GOLGA2: variants seen among roughly 807,000 people sequenced by gnomAD.
GOLGA2 encodes the protein golgin A2.
A neutral mutation model predicts 148.8 loss-of-function variants in GOLGA2; 49 were observed. The ratio of observed to expected loss-of-function variants is 0.33; its 90% CI spans 0.26 to 0.42. The LOEUF (loss-of-function observed/expected upper bound fraction) is 0.42. GOLGA2 is among the 10% of genes least tolerant of loss of function. GOLGA2 has a pLI of 1.00. For synonymous variants in GOLGA2, 501 were observed against 511.8 expected (o/e 0.98, Z 0.28); for missense variants, 1,178 against 1,304.6 (o/e 0.90, Z 1.49).
In GOLGA2 at chr9:128,273,743, C is replaced by A. The variant is rs1393719999; in HGVS notation, c.207+107G>T. 4.0e-5 allele frequency: 56 copies of A among 1,393,202 alleles called. No homozygotes were observed. In the Admixed American group the frequency reaches 1.1e-3, roughly 27 times the overall value. 86.3% of individuals were successfully genotyped at this position (1,393,202 alleles called of 1,614,324 possible). The stretch of plus-strand genomic sequence containing the variant: ...AGCAGATGGACAGGTAGGATACAAA[C>A]CCAGAACTCTTAATCAGTACCCAAC... On this transcript the variant is annotated intron_variant, in intron 2 of 26. Transcript: ENST00000611957.
chr9:128,261,488 A>G lies in GOLGA2; in HGVS notation c.1298T>C (p.Met433Thr). The stretch of plus-strand genomic sequence containing the variant: ...CATCTGCTGCATCCTCTGCCGCCAC[A>G]TGGCGCTCTCTCCTTTGAGATTCTC... ...YAENLKGESA[M>T]WRQRMQQMSE... The change falls in exon 16 of 27, where the codon ATG (methionine) becomes ACG (threonine). Residue 433 changes from methionine to threonine, a missense_variant. Met to Thr is a moderately conservative substitution (Grantham distance 81). Transcript: ENST00000611957. The surrounding 1 kb of genome is among the most constrained non-coding windows in gnomAD (Gnocchi z 5.7). 1 of 1,610,662 alleles carries G rather than the reference A, an allele frequency of 6.2e-7. No homozygotes were observed. Among genetic ancestry groups the G allele is most frequent in the African/African-American group, 1.3e-5 (1 of 74,974 alleles).
rs1830610215 is a variant in GOLGA2 at position 128,266,588 on chromosome 9, AGT to A, written c.643-265_643-264del. The A allele has an allele frequency of 3.6e-6, 2 of 560,238 alleles. No individual in the cohort carries two copies. The highest frequency in any genetic ancestry group is 6.3e-6 in the Non-Finnish European group (2 of 316,434). 34.7% of individuals were successfully genotyped at this position (560,238 alleles called of 1,614,324 possible). The stretch of plus-strand genomic sequence containing the variant: ...CAGTAACATAAACCTCTAGAGATGG[AGT>A]GTGAGAAAAGCCCACCCTCTGCCAG... On this transcript the variant is annotated intron_variant, in intron 8 of 26. Coordinates refer to ENST00000611957, the MANE Select transcript of GOLGA2 (RefSeq NM_001366244.2). The surrounding 1 kb of genome is among the most constrained non-coding windows in gnomAD (Gnocchi z 4.2).
In GOLGA2 at chr9:128,264,787, T is replaced by C. The variant is rs1340697441; in HGVS notation, c.933+798A>G. Among the ~76,000 whole-genome samples the C allele has an allele frequency of 2.0e-5, 3 of 152,202 alleles. No homozygotes were observed. The East Asian group carries it at 5.8e-4, about 29-fold the overall frequency. On this transcript the variant is annotated intron_variant, in intron 12 of 26. Coordinates refer to ENST00000611957, the MANE Select transcript of GOLGA2 (RefSeq NM_001366244.2). Reference sequence around the variant, plus strand: ...GAGAGATCAGATAATATTGCTATTGTTATTATCATTATTACTACCACTGTT... The same window carrying C: ...GAGAGATCAGATAATATTGCTATTGCTATTATCATTATTACTACCACTGTT...
Position 128,266,225 on chromosome 9 carries a change from T to C in GOLGA2, c.681+62A>G, listed in dbSNP as rs1830588702. The C allele has an allele frequency of 1.0e-5, 15 of 1,478,460 alleles. No individual in the cohort carries two copies. The highest frequency in any genetic ancestry group is 1.4e-5 in the Non-Finnish European group (15 of 1,057,170). 91.6% of individuals were successfully genotyped at this position (1,478,460 alleles called of 1,614,324 possible). A position where few individuals can be genotyped will look rare whatever the true frequency, so the allele number is the denominator to read the frequency against. On this transcript the variant is annotated intron_variant, in intron 9 of 26. Transcript: ENST00000611957. The surrounding 1 kb of genome is among the most constrained non-coding windows in gnomAD (Gnocchi z 4.2). ...GTGGGTGAGACGAGACTGAGGCCTC[T>C]ACATTTGAATGCCCCCCAAACCCAG...
chr9:128,258,000 C>T lies in GOLGA2; in HGVS notation c.2488G>A (p.Gly830Arg). ...VCGETHRALQ[G>R]AMEKLQSRFM... ...TTCACCTGCAGCTTCTCCATGGCCC[C>T]CTGCAGGGCCCGGTGGGTCTCCCCA... is the stretch of plus-strand genomic sequence containing the variant. The change falls in exon 23 of 27, where the codon GGG becomes AGG. Residue 830 changes from glycine (G) to arginine (R), a missense_variant. By Grantham distance (125) the Gly-to-Arg change is moderately radical. This residue lies in a region of GOLGA2 where 529 missense variants were observed against 521.8 expected (regional missense o/e 1.01). Transcript: ENST00000611957. The surrounding 1 kb of genome is among the most constrained non-coding windows in gnomAD (Gnocchi z 8.0). 1 of 1,608,888 alleles carries T rather than the reference C, an allele frequency of 6.2e-7. No homozygotes were observed. The highest frequency in any genetic ancestry group is 8.5e-7 in the Non-Finnish European group (1 of 1,176,830).
Position 128,273,862 on chromosome 9 carries a change from G to C in GOLGA2, c.195C>G (p.His65Gln), listed in dbSNP as rs1184420509. 6.2e-7 allele frequency: 1 copy of C among 1,613,936 alleles called. No homozygotes were observed. Among genetic ancestry groups the C allele is most frequent in the Non-Finnish European group, 8.5e-7 (1 of 1,179,984 alleles). The change falls in exon 2 of 27, where the codon CAC becomes CAG. Residue 65 changes from histidine (H) to glutamine (Q), a missense_variant. By Grantham distance (24) the His-to-Gln change is conservative. This residue lies in a region of GOLGA2 where 158 missense variants were observed against 156.6 expected (regional missense o/e 1.01). Coordinates refer to ENST00000611957, the MANE Select transcript of GOLGA2 (RefSeq NM_001366244.2). ...NPETTTSGGC[H>Q]SPEDIQDILK... ...ATCCAAGACTCACATCCTCAGGTGA[G>C]TGGCAACCACCAGAAGTGGTTGTCT...
chr9:128,265,340 C>T (rs1408857169), intron 12 of GOLGA2, among the ~76,000 whole-genome samples: 1 of 152,218 alleles, frequency 6.6e-6, no homozygotes, highest in Middle Eastern at 3.2e-3. Flanking sequence ...AGCCAGGTAA[C>T]GGCACAGCGG....
At position 128,257,242 on chromosome 9, in the gene GOLGA2, G is replaced by A. The variant is rs548613938; in HGVS notation, c.2915C>T (p.Ala972Val). 1.4e-5 allele frequency: 22 copies of A among 1,613,558 alleles called. No homozygotes were observed. In the Admixed American group the frequency reaches 3.5e-4, roughly 26 times the overall value. The part of the protein sequence containing the change: ...EVSLAGSVEP[A>V]QGEAREGSPR... ...AGAACCCTCCCTGGCCTCTCCTTGG[G>A]CAGGCTCCACACTGCCGGCGAGGCT... Residue 972 changes from alanine (A) to valine (V), a missense_variant, in exon 27 of 27, where the codon GCC (alanine) becomes GTC (valine). Ala to Val is a moderately conservative substitution (Grantham distance 64). Around this residue, in one of 5 missense-constraint regions of GOLGA2, gnomAD observed 149 missense variants for 154.9 expected, o/e 0.96. Transcript: ENST00000611957. This position sits in a 1 kb window ranked among gnomAD's most constrained non-coding sequence, Gnocchi z 8.0.
intron 1 of GOLGA2, 48 bp downstream of exon 1, chr9:128,275,845 G>A (rs929517225): frequency 3.1e-6 from 3 of 979,874 alleles, no homozygotes; most frequent in Non-Finnish European, 4.7e-6. Context: ...CCTGCCATCG[G>A]AGTGGGGCTG....
chr9:128,264,925 C>G (rs770091981), intron 12 of GOLGA2, among the ~76,000 whole-genome samples: 7 of 152,120 alleles, frequency 4.6e-5, no homozygotes, highest in Admixed American at 4.6e-4. Context: ...ATGGACAACA[C>G]GGAATATTAG....
At chr9:128,270,984 G>T (rs1215972090) in intron 3 of GOLGA2, among the ~76,000 whole-genome samples, 1 of 152,118 alleles carries the variant, frequency 6.6e-6, no homozygotes, top group Non-Finnish European at 1.5e-5. Context: ...GGGAGGGGGA[G>T]GTTGCAGTGA....
chr9:128,275,370 G>T lies in GOLGA2; in HGVS notation c.84+523C>A, dbSNP rs1232464608. The T allele has an allele frequency of 3.9e-6, 5 of 1,278,758 alleles. No homozygotes were observed. The African/African-American group carries it at 7.8e-5, about 20-fold the overall frequency. 79.2% of individuals were successfully genotyped at this position (1,278,758 alleles called of 1,614,324 possible). ...TGACGTCACTACATTCCACTCCTAG[G>T]GGGAACATCAGCGCGACGTCCAAGT... is the stretch of plus-strand genomic sequence containing the variant. On this transcript the variant is annotated intron_variant, in intron 1 of 26. Coordinates refer to ENST00000611957, the MANE Select transcript of GOLGA2 (RefSeq NM_001366244.2).
In GOLGA2 at chr9:128,266,988, A is replaced by G. The variant is rs1203642128; in HGVS notation, c.642+206T>C. On this transcript the variant is annotated intron_variant, in intron 8 of 26. Transcript: ENST00000611957. This position sits in a 1 kb window ranked among gnomAD's most constrained non-coding sequence, Gnocchi z 4.2. ...AGGACTCGAGCAGGGGTGTCTAGAG[A>G]AGAGAGAGTAGGCAAAGAGGGCAGC... The G allele has an allele frequency of 1.6e-6, 1 of 623,426 alleles. No homozygotes were observed. The highest frequency in any genetic ancestry group is 1.8e-5 in the African/African-American group (1 of 54,054). The allele number at this position is 623,426 out of a possible 1,614,324, so 38.6% of individuals were successfully genotyped here.
chr9:128,261,347 C>A lies in GOLGA2; in HGVS notation c.1333-88G>T. ...TCCCTCTGCCCCCACCGCCACAAAG[C>A]CCAGACCCATGACCACCTCTGGCTG... On this transcript the variant is annotated intron_variant, in intron 16 of 26. Transcript: ENST00000611957. This position sits in a 1 kb window ranked among gnomAD's most constrained non-coding sequence, Gnocchi z 5.7. 7.9e-7 allele frequency: 1 copy of A among 1,272,368 alleles called. No individual in the cohort carries two copies. Among genetic ancestry groups the A allele is most frequent in the Non-Finnish European group, 1.2e-6 (1 of 869,272 alleles). 78.8% of individuals were successfully genotyped at this position (1,272,368 alleles called of 1,614,324 possible).
At chr9:128,267,613 T>C in intron 6 of GOLGA2, 96 bp from the exon 7 acceptor site, 3 of 940,634 alleles carry the variant, frequency 3.2e-6, no homozygotes, top group South Asian at 2.7e-5. Context: ...AACATTTTCT[T>C]TTCTAACTTG....
intron 6 of GOLGA2, 125 bp from the exon 7 acceptor site, chr9:128,267,642 C>A: frequency 1.3e-6 from 1 of 746,392 alleles, no homozygotes. Context: ...GTCCCGTAAC[C>A]CCTTTGTGCC....
Position 128,260,562 on chromosome 9 carries a change from G to C in GOLGA2, c.1661C>G (p.Thr554Ser). 1 of 1,612,672 alleles carries C rather than the reference G, an allele frequency of 6.2e-7. No individual in the cohort carries two copies. Among genetic ancestry groups the C allele is most frequent in the South Asian group, 1.1e-5 (1 of 91,080 alleles). Residue 554 changes from threonine to serine, a missense_variant, in exon 18 of 27, where the codon ACC becomes AGC. Thr to Ser is a moderately conservative substitution (Grantham distance 58). Transcript: ENST00000611957. This position sits in a 1 kb window ranked among gnomAD's most constrained non-coding sequence, Gnocchi z 4.8. ...QAEARRQILE[T>S]MQNDRTTISR... Reference sequence around the variant, plus strand: ...GATGGTAGTGCGGTCGTTCTGCATGGTCTCCAGGATTTGCCTGCGCGCCTC... The same window carrying C: ...GATGGTAGTGCGGTCGTTCTGCATGCTCTCCAGGATTTGCCTGCGCGCCTC...
chr9:128,257,108 G>C lies in GOLGA2; in HGVS notation c.3049C>G (p.Arg1017Gly). Residue 1017 changes from arginine to glycine, a missense_variant, in exon 27 of 27, where the codon CGG becomes GGG. By Grantham distance (125) the Arg-to-Gly change is moderately radical. Coordinates refer to ENST00000611957, the MANE Select transcript of GOLGA2 (RefSeq NM_001366244.2). The surrounding 1 kb of genome is among the most constrained non-coding windows in gnomAD (Gnocchi z 8.0). ...GSNPCIPFFY[R>G]ADENDEVKIT... is the part of the protein sequence containing the mutation. ...TTCACCTCATCATTCTCGTCAGCCC[G>C]GTAAAAAAAAGGAATGCAGGGGTTG... 6.2e-7 allele frequency: 1 copy of C among 1,613,924 alleles called. No individual in the cohort carries two copies. Among genetic ancestry groups the C allele is most frequent in the Non-Finnish European group, 8.5e-7 (1 of 1,179,922 alleles).
Position 128,260,100 on chromosome 9 carries a change from C to T in GOLGA2, c.1848G>A (p.Glu616=), listed in dbSNP as rs750765144. 6.2e-7 allele frequency: 1 copy of T among 1,610,524 alleles called. No homozygotes were observed. Among genetic ancestry groups the T allele is most frequent in the South Asian group, 1.1e-5 (1 of 91,048 alleles). Residue 616 remains glutamate, a synonymous_variant, in exon 19 of 27, where the codon GAG becomes GAA. Transcript: ENST00000611957. This position sits in a 1 kb window ranked among gnomAD's most constrained non-coding sequence, Gnocchi z 4.8. ...CCGTTTCCTTCAGCTCGCTCAGCTT[C>T]TCCTGCAGCTCGCCCAGCTTCTTTC... ...ELGKKLGELQ[E]KLSELKETVE...
Sources: gnomAD v4.1 joint callset for allele counts (sites outside exome capture counted in the v4.1 genomes callset) on GRCh38, gnomAD v4.1.1 for gene constraint, gnomAD v4.1.1 regional missense constraint, Gnocchi (gnomAD v3.1) non-coding constraint, MANE v1.5 for transcripts, NCBI Gene and HGNC (gene_info 2026-07-23, HGNC 2026-07-21) for gene names.